Variants in AHI1 observed in about 807,000 individuals in gnomAD.
AHI1 encodes jouberin.
A neutral mutation model predicts 149.3 loss-of-function variants in AHI1; 123 were observed. The ratio of observed to expected loss-of-function variants is 0.82; its 90% CI spans 0.71 to 0.96. The LOEUF (loss-of-function observed/expected upper bound fraction) is 0.96, where lower values mean the gene tolerates loss of function less well. AHI1 is among the 40% of genes least tolerant of loss of function. The pLI is 0.00. For missense variants in AHI1, 1,439 were observed against 1,422.7 expected (o/e 1.01, Z -0.18); for synonymous variants, 475 against 459.8 (o/e 1.03, Z -0.42).
chr6:135,493,229 C>T (rs1246244439), intron 3 of AHI1, among the ~76,000 whole-genome samples: 8 of 152,120 alleles, frequency 5.3e-5, no homozygotes, highest in Non-Finnish European at 1.2e-4. Context: ...GAACTCCTGA[C>T]CTCATATGAT....
Position 135,347,878 on chromosome 6 carries a change from T to C in AHI1, c.3165+10254A>G, listed in dbSNP as rs1791469794. Among the ~76,000 whole-genome samples, 4 of 152,324 alleles carry C rather than the reference T, an allele frequency of 2.6e-5. No homozygotes were observed. In the South Asian group the frequency reaches 8.3e-4, roughly 32 times the overall value. On this transcript the variant is annotated intron_variant, in intron 24 of 28. Transcript: ENST00000265602. ...GTACTCCCAGAGAAGTCTGCATATG[T>C]TGCCATAAGATAGTGCCAGCCAGAG...
intron 24 of AHI1, among the ~76,000 whole-genome samples, chr6:135,350,293 C>G (rs1791879920): frequency 6.6e-6 from 1 of 152,190 alleles, no homozygotes; most frequent in Non-Finnish European, 1.5e-5. Context: ...AAAACACACT[C>G]CATTTCCATA....
chr6:135,298,579 C>T (rs568383545), intron 27 of AHI1, among the ~76,000 whole-genome samples: 1 of 152,302 alleles, frequency 6.6e-6, no homozygotes, highest in South Asian at 2.1e-4. Context: ...CATCAACTCG[C>T]CTACAGTTTT....
intron 22 of AHI1, among the ~76,000 whole-genome samples, chr6:135,403,195 G>A (rs1003271067): frequency 1.3e-5 from 2 of 152,112 alleles, no homozygotes; most frequent in African/African-American, 4.8e-5. Context: ...GAGATATGGG[G>A]CTTCATTCAG....
chr6:135,344,058 G>T (rs1468371631), intron 24 of AHI1, among the ~76,000 whole-genome samples: 1 of 152,048 alleles, frequency 6.6e-6, no homozygotes, highest in Non-Finnish European at 1.5e-5. Flanking sequence ...AAAATCTGTG[G>T]ATGTTCAAGT....
chr6:135,324,661 G>A (rs1354885029), intron 24 of AHI1, among the ~76,000 whole-genome samples: 1 of 151,928 alleles, frequency 6.6e-6, no homozygotes, highest in African/African-American at 2.4e-5. Flanking sequence ...GGCATTAGAC[G>A]TGAGAGCTGA....
rs1008024024 is a variant in AHI1 at position 135,323,350 on chromosome 6, G to A, written c.3166-26C>T. ...CTAAGAGAGAGATAAGACCACCACA[G>A]CTTTATCACAACTGTACCACAGAGA... On this transcript the variant is annotated intron_variant, in intron 24 of 28. Transcript: ENST00000265602. 1.9e-6 allele frequency: 3 copies of A among 1,608,648 alleles called. No homozygotes were observed. In the African/African-American group the frequency reaches 4.0e-5, roughly 21 times the overall value.
intron 27 of AHI1, among the ~76,000 whole-genome samples, chr6:135,291,346 T>G (rs1420809556): frequency 6.6e-6 from 1 of 152,198 alleles, no homozygotes; most frequent in Non-Finnish European, 1.5e-5. Flanking sequence ...TGTAACTGCA[T>G]TTGGAGACAG....
chr6:135,295,295 T>C (rs1011850924), intron 27 of AHI1, among the ~76,000 whole-genome samples: 1 of 152,236 alleles, frequency 6.6e-6, no homozygotes, highest in Non-Finnish European at 1.5e-5. Flanking sequence ...GCAGAACTCA[T>C]ACATGTTGGT....
intron 27 of AHI1, among the ~76,000 whole-genome samples, chr6:135,296,723 G>A (rs532122458): frequency 1.8e-4 from 27 of 152,066 alleles, no homozygotes; most frequent in African/African-American, 5.8e-4. Context: ...CCATACTGTA[G>A]CACACATCTG....
rs373503518 is a variant in AHI1, at chr6:135,318,498, C to T, written c.3426+21G>A. On this transcript the variant is annotated intron_variant, in intron 26 of 28. Coordinates refer to ENST00000265602, the MANE Select transcript of AHI1 (RefSeq NM_001134831.2). ...TGAAAATCAAAGTACATATGTAATA[C>T]GTATGCTCAAAAACATTTACCTTTT... is the stretch of plus-strand genomic sequence containing the variant. 247 of 1,429,480 alleles carry T rather than the reference C, an allele frequency of 1.7e-4. 4 individuals carry two copies. In the South Asian group the frequency reaches 2.6e-3, roughly 15 times the overall value. 88.5% of individuals were successfully genotyped at this position (1,429,480 alleles called of 1,614,324 possible).
At chr6:135,292,668 G>A (rs977821456) in intron 27 of AHI1, among the ~76,000 whole-genome samples, 2 of 152,142 alleles carry the variant, frequency 1.3e-5, no homozygotes, top group Admixed American at 6.5e-5. Flanking sequence ...AACTGTTCCC[G>A]AGGAAGCCCA....
At chr6:135,358,761 C>A (rs1293494208) in intron 23 of AHI1, among the ~76,000 whole-genome samples, 1 of 152,130 alleles carries the variant, frequency 6.6e-6, no homozygotes, top group Non-Finnish European at 1.5e-5. Flanking sequence ...ATTCTTTTAT[C>A]ATGTGTGGAT....
chr6:135,293,155 T>C (rs907821799), intron 27 of AHI1, among the ~76,000 whole-genome samples: 1 of 151,946 alleles, frequency 6.6e-6, no homozygotes, highest in Non-Finnish European at 1.5e-5. Context: ...ATAGATTACT[T>C]AACTAATGCA....
chr6:135,296,517 A>T (rs1045042200), intron 27 of AHI1, among the ~76,000 whole-genome samples: 1 of 152,136 alleles, frequency 6.6e-6, no homozygotes, highest in Non-Finnish European at 1.5e-5. Context: ...TACTCTAAAA[A>T]GCCTAATTTC....
chr6:135,304,612 A>T lies in AHI1; in HGVS notation c.3427-4054T>A, dbSNP rs1010567513. 5.3e-5 allele frequency among the ~76,000 whole-genome samples: 8 copies of T among 152,242 alleles called. 1 individual carries two copies. Among genetic ancestry groups the T allele is most frequent in the Non-Finnish European group, 1.2e-4 (8 of 68,018 alleles). On this transcript the variant is annotated intron_variant, in intron 26 of 28. Coordinates refer to ENST00000265602, the MANE Select transcript of AHI1 (RefSeq NM_001134831.2). The stretch of plus-strand genomic sequence containing the variant: ...TAGTGAAACCCCGGTCTCTACTAAA[A>T]ATGCAAAAATTAGCCGGGTGTGGTG...
intron 24 of AHI1, among the ~76,000 whole-genome samples, chr6:135,351,669 T>A (rs552670846): frequency 6.6e-6 from 1 of 152,302 alleles, no homozygotes; most frequent in South Asian, 2.1e-4. Context: ...TTTAGAAAAG[T>A]AGCAGAAGGG....
chr6:135,378,206 T>C (rs1776224547), intron 23 of AHI1, among the ~76,000 whole-genome samples: 1 of 152,236 alleles, frequency 6.6e-6, no homozygotes, highest in Admixed American at 6.5e-5. Flanking sequence ...CTCACATCTC[T>C]GGGAAGACCT....
At chr6:135,393,712 C>A (rs531222040) in intron 23 of AHI1, among the ~76,000 whole-genome samples, 1 of 152,060 alleles carries the variant, frequency 6.6e-6, no homozygotes, top group Non-Finnish European at 1.5e-5. Context: ...AGTTAGCTTA[C>A]ACATATTCAT....
Sources: gnomAD v4.1 joint callset for allele counts (sites outside exome capture counted in the v4.1 genomes callset) on GRCh38, gnomAD v4.1.1 for gene constraint, MANE v1.5 for transcripts, NCBI Gene and HGNC (gene_info 2026-07-23, HGNC 2026-07-21) for gene names.